The following GLIS3 variants were observed in gnomAD, a reference collection of about 807,000 sequenced individuals.
The protein encoded by GLIS3 is zinc finger protein GLIS3.
GLIS3 carries 53 observed loss-of-function variants against 78.6 expected under a neutral mutation model. That is an observed-to-expected ratio of 0.67 (90% CI 0.54 to 0.85). The LOEUF is 0.85. GLIS3 is among the 40% of genes least tolerant of loss of function. The pLI, the probability that GLIS3 is intolerant of heterozygous loss-of-function variation, is 0.00. For synonymous variants in GLIS3, 684 were observed against 509.9 expected, an observed-to-expected ratio of 1.34 and a Z score of -4.60; for missense variants, 1,703 against 1,231.1, an observed-to-expected ratio of 1.38 and a Z score of -5.74.
chr9:4,029,338 A>G (rs1823615244), intron 4 of GLIS3, among the ~76,000 whole-genome samples: 1 of 151,956 alleles, frequency 6.6e-6, no homozygotes, highest in South Asian at 2.1e-4. Flanking sequence ...GTGGGTTCAT[A>G]GTAGGTGTAT....
intron 2 of GLIS3, among the ~76,000 whole-genome samples, chr9:4,183,595 G>GA (rs1817519613): frequency 6.6e-6 from 1 of 152,106 alleles, no homozygotes; most frequent in South Asian, 2.1e-4. Flanking sequence ...TACCAGTCAA[G>GA]ACCTCTGTTT....
chr9:4,155,044 CACAT>C (rs1364368451), intron 2 of GLIS3, among the ~76,000 whole-genome samples: 2 of 152,136 alleles, frequency 1.3e-5, no homozygotes, highest in Admixed American at 1.3e-4. Context: ...AGGCACAAGA[CACAT>C]GCATGTATTT....
At chr9:4,390,089 G>C in the GLIS3 span, among the ~76,000 whole-genome samples, 1 of 152,254 alleles carries the variant, frequency 6.6e-6, no homozygotes, top group African/African-American at 2.4e-5. Context: ...GGAGAAAAGA[G>C]AGACATTTGA....
chr9:4,189,503 A>G (rs1414538488), intron 2 of GLIS3, among the ~76,000 whole-genome samples: 4 of 152,160 alleles, frequency 2.6e-5, no homozygotes, highest in African/African-American at 9.7e-5. Context: ...GTAGATGTCT[A>G]TTAGGTCTGC....
intron 2 of GLIS3, among the ~76,000 whole-genome samples, chr9:4,327,577 G>A (rs777607042): frequency 6.6e-6 from 1 of 152,040 alleles, no homozygotes; most frequent in South Asian, 2.1e-4. Context: ...GAGAGAGGAG[G>A]AGGAGTCACC....
upstream of GLIS3, among the ~76,000 whole-genome samples, chr9:4,300,125 G>C (rs1816998949): frequency 6.6e-6 from 1 of 151,910 alleles, no homozygotes; most frequent in Non-Finnish European, 1.5e-5. Context: ...CGCCGGAGGG[G>C]GAGGGGGAAG....
intron 1 of GLIS3, among the ~76,000 whole-genome samples, chr9:4,288,508 CAAGA>C (rs1462732246): frequency 6.6e-6 from 1 of 151,588 alleles, no homozygotes; most frequent in Non-Finnish European, 1.5e-5. Context: ...TTTTTGGCAG[CAAGA>C]TCATATACGA....
intron 2 of GLIS3, among the ~76,000 whole-genome samples, chr9:4,271,388 C>T (rs1826493858): frequency 6.6e-6 from 1 of 152,088 alleles, no homozygotes; most frequent in Admixed American, 6.6e-5. Flanking sequence ...GGGTCAGCAC[C>T]CCTAACCTCC....
the GLIS3 span, among the ~76,000 whole-genome samples, chr9:4,411,965 G>T: frequency 6.6e-6 from 1 of 152,184 alleles, no homozygotes; most frequent in African/African-American, 2.4e-5. Context: ...AATACTAAAT[G>T]AGTTTTAAAC....
intron 4 of GLIS3, among the ~76,000 whole-genome samples, chr9:3,944,221 A>G (rs1214748519): frequency 1.3e-5 from 2 of 152,214 alleles, no homozygotes; most frequent in Non-Finnish European, 2.9e-5. Flanking sequence ...CCACAAGACA[A>G]TGTAGAGAGA....
At chr9:3,836,828 A>G (rs557481877) in intron 9 of GLIS3, among the ~76,000 whole-genome samples, 1 of 152,114 alleles carries the variant, frequency 6.6e-6, no homozygotes, top group South Asian at 2.1e-4. Flanking sequence ...ACCGCTCACC[A>G]CCATCCCCTT....
rs756506596 is a variant in GLIS3 at position 3,859,069 on chromosome 9, G to C, written c.2298-2885C>G. Among the ~76,000 whole-genome samples the C allele has an allele frequency of 3.5e-4, 53 of 152,272 alleles. 1 individual carries two copies. The highest frequency in any genetic ancestry group is 1.0e-3 in the South Asian group (5 of 4,818). The stretch of plus-strand genomic sequence containing the variant: ...GAGAGGCATGGAGAAGATGAAGAGA[G>C]AGTCTTCCTGTTTGAGGTAAGGTCC... On this transcript the variant is annotated intron_variant, in intron 8 of 10. Transcript: ENST00000381971.
At chr9:4,026,527 A>T (rs1563961581) in intron 4 of GLIS3, among the ~76,000 whole-genome samples, 1 of 152,174 alleles carries the variant, frequency 6.6e-6, no homozygotes, top group African/African-American at 2.4e-5. Context: ...GGAGGAAAAA[A>T]ATCTATCTAT....
chr9:4,047,039 T>C (rs936773939), intron 4 of GLIS3, among the ~76,000 whole-genome samples: 1 of 152,174 alleles, frequency 6.6e-6, no homozygotes, highest in Non-Finnish European at 1.5e-5. Context: ...TTTGGCTCTA[T>C]GTCCCCACCA....
At chr9:3,916,688 A>AT (rs200908402) in intron 6 of GLIS3, among the ~76,000 whole-genome samples, 327 of 151,280 alleles carry the variant, frequency 2.2e-3, no homozygotes, top group Admixed American at 3.8e-3. Context: ...TCTTTACTGC[A>AT]TTTTTTTTTC....
intron 4 of GLIS3, among the ~76,000 whole-genome samples, chr9:3,997,939 T>C (rs767274179): frequency 2.0e-5 from 3 of 152,204 alleles, no homozygotes; most frequent in Non-Finnish European, 2.9e-5. Flanking sequence ...TATAATCTTA[T>C]ACATAAAACC....
chr9:4,486,864 ATTTTT>A, the GLIS3 span, among the ~76,000 whole-genome samples: 8 of 151,900 alleles, frequency 5.3e-5, no homozygotes, highest in Admixed American at 2.0e-4. Context: ...TTATTTATTT[ATTTTT>A]TTAAGTTTTG....
At chr9:3,956,028 C>CAAAAAAAAAAAAAAA (rs5896037) in intron 4 of GLIS3, among the ~76,000 whole-genome samples, 16 of 87,616 alleles carry the variant, frequency 1.8e-4, no homozygotes, top group Non-Finnish European at 2.3e-4. Context: ...CCAGATTCAG[C>CAAAAAAAAAAAAAAA]AAAAAAAAAA....
At chr9:4,307,760 G>A (rs72690089) in intron 4 of GLIS3, among the ~76,000 whole-genome samples, 18,954 of 152,116 alleles carry the variant, frequency 0.12, 1,517 homozygotes, top group Non-Finnish European at 0.17. Flanking sequence ...TGAAGGTGCA[G>A]GAAGGAGCTA....
Sources: allele counts gnomAD v4.1 joint callset (sites outside exome capture counted in the v4.1 genomes callset), GRCh38; gene constraint gnomAD v4.1.1; transcripts MANE v1.5; gene names NCBI Gene and HGNC (gene_info 2026-07-23, HGNC 2026-07-21).